Variants in NSMCE2 observed in about 807,000 individuals in gnomAD.
NSMCE2 encodes the protein E3 SUMO-protein ligase NSE2.
In NSMCE2, 24 loss-of-function variants were observed where a neutral mutation model predicts 23.8. The ratio of observed to expected loss-of-function variants is 1.01; its 90% confidence interval spans 0.73 to 1.42. The LOEUF (loss-of-function observed/expected upper bound fraction) is 1.42, where lower values mean the gene tolerates loss of function less well. NSMCE2 is among the 40% of genes most tolerant of loss of function. The probability of loss-of-function intolerance (pLI) is 0.00; values close to 1 mark genes in which losing one functional copy is unlikely to be tolerated. For synonymous variants in NSMCE2, 92 were observed against 94.1 expected, an observed-to-expected ratio of 0.98 and a Z score of 0.13; for missense variants, 284 against 296.5, an observed-to-expected ratio of 0.96 and a Z score of 0.31.
At chr8:125,110,472 T>C (rs1426932106) in intron 3 of NSMCE2, among the ~76,000 whole-genome samples, 1 of 152,222 alleles carries the variant, frequency 6.6e-6, no homozygotes, top group Non-Finnish European at 1.5e-5. Context: ...ACTGGTGCTC[T>C]TTTTACATGT....
chr8:125,324,648 C>T (rs1829587869), intron 5 of NSMCE2, among the ~76,000 whole-genome samples: 1 of 49,800 alleles, frequency 2.0e-5, no homozygotes, highest in African/African-American at 3.9e-5. Context: ...AATCTCGGCT[C>T]ACTGCAAGCT....
intron 5 of NSMCE2, among the ~76,000 whole-genome samples, chr8:125,211,371 A>ACT (rs1308891824): frequency 1.3e-5 from 2 of 152,170 alleles, no homozygotes; most frequent in East Asian, 3.9e-4. Flanking sequence ...CATATTGGAT[A>ACT]CTCTGTTCTA....
intron 1 of NSMCE2, among the ~76,000 whole-genome samples, chr8:125,097,848 G>C (rs1818008624): frequency 6.6e-6 from 1 of 152,222 alleles, no homozygotes; most frequent in African/African-American, 2.4e-5. Context: ...TTTGAAAAGC[G>C]TGTTTGCATT....
At chr8:125,123,944 G>C (rs1488996352) in intron 3 of NSMCE2, among the ~76,000 whole-genome samples, 1 of 151,934 alleles carries the variant, frequency 6.6e-6, no homozygotes, top group East Asian at 1.9e-4. Flanking sequence ...CAATTTTGTG[G>C]TTTTCAGAAT....
chr8:125,306,332 AAAC>A (rs1828761905), intron 5 of NSMCE2, among the ~76,000 whole-genome samples: 1 of 151,574 alleles, frequency 6.6e-6, no homozygotes, highest in Admixed American at 6.6e-5. Context: ...TCTCAAAACA[AAAC>A]AAAAACATAA....
At chr8:125,229,345 AC>A (rs532612981) in intron 5 of NSMCE2, among the ~76,000 whole-genome samples, 35 of 152,176 alleles carry the variant, frequency 2.3e-4, no homozygotes, top group Non-Finnish European at 4.7e-4. Flanking sequence ...TTTTTAAATC[AC>A]ACATCCTTAA....
chr8:125,106,681 T>A (rs1818472162), intron 3 of NSMCE2, among the ~76,000 whole-genome samples: 1 of 146,734 alleles, frequency 6.8e-6, no homozygotes, highest in African/African-American at 2.5e-5. Context: ...CAAGACTCCA[T>A]CTCAAAAAAA....
At chr8:125,234,413 A>G (rs1039589177) in intron 5 of NSMCE2, among the ~76,000 whole-genome samples, 2 of 152,222 alleles carry the variant, frequency 1.3e-5, no homozygotes, top group Admixed American at 1.3e-4. Flanking sequence ...GCTTTTTCAA[A>G]TATATTACCC....
intron 3 of NSMCE2, among the ~76,000 whole-genome samples, chr8:125,133,229 A>T (rs1244407005): frequency 6.6e-6 from 1 of 152,228 alleles, no homozygotes; most frequent in Non-Finnish European, 1.5e-5. Context: ...TATTCAGTGC[A>T]GTTGCAAAAA....
chr8:125,123,551 A>G (rs1200474506), intron 3 of NSMCE2, among the ~76,000 whole-genome samples: 1 of 152,264 alleles, frequency 6.6e-6, no homozygotes, highest in Non-Finnish European at 1.5e-5. Context: ...TGCTACTCAC[A>G]TCCAGAATAT....
intron 5 of NSMCE2, among the ~76,000 whole-genome samples, chr8:125,304,817 G>A (rs1388096173): frequency 6.7e-6 from 1 of 149,830 alleles, no homozygotes; most frequent in Non-Finnish European, 1.5e-5. Flanking sequence ...GAACCCTGGA[G>A]GCAGAGGTTA....
intron 5 of NSMCE2, among the ~76,000 whole-genome samples, chr8:125,254,696 T>G (rs1268675629): frequency 3.3e-5 from 5 of 152,172 alleles, no homozygotes; most frequent in African/African-American, 1.2e-4. Context: ...CTAATTTCCT[T>G]TGAGCCTTAA....
At chr8:125,235,320 C>T (rs1825498924) in intron 5 of NSMCE2, among the ~76,000 whole-genome samples, 1 of 151,270 alleles carries the variant, frequency 6.6e-6, no homozygotes, top group African/African-American at 2.4e-5. Context: ...TCTTGATTTC[C>T]ATTATCATAT....
chr8:125,113,414 A>G (rs559576009), intron 3 of NSMCE2, among the ~76,000 whole-genome samples: 7 of 152,282 alleles, frequency 4.6e-5, no homozygotes, highest in South Asian at 2.1e-4. Flanking sequence ...CAGGAGTTCA[A>G]GGCTACAGCA....
intron 5 of NSMCE2, among the ~76,000 whole-genome samples, chr8:125,320,555 G>A (rs1388567467): frequency 1.3e-5 from 2 of 152,094 alleles, no homozygotes; most frequent in Middle Eastern, 3.2e-3. Context: ...TCAAAAAAAT[G>A]TATAAAGTAA....
intron 5 of NSMCE2, among the ~76,000 whole-genome samples, chr8:125,345,680 G>T (rs1036494756): frequency 1.3e-5 from 2 of 152,228 alleles, no homozygotes; most frequent in Non-Finnish European, 2.9e-5. Context: ...ATTGAGTCTT[G>T]GAGGGTGGTC....
At chr8:125,169,809 C>G (rs1822085791) in intron 4 of NSMCE2, among the ~76,000 whole-genome samples, 1 of 151,976 alleles carries the variant, frequency 6.6e-6, no homozygotes, top group Non-Finnish European at 1.5e-5. Context: ...GCTCAAATTT[C>G]TTTACATGGT....
intron 5 of NSMCE2, among the ~76,000 whole-genome samples, chr8:125,240,441 AT>A (rs1023880151): frequency 6.6e-6 from 1 of 152,134 alleles, no homozygotes; most frequent in Non-Finnish European, 1.5e-5. Flanking sequence ...TCAGAATTAC[AT>A]TACTGTCTTC....
chr8:125,335,723 G>A (rs1471264436), intron 5 of NSMCE2, among the ~76,000 whole-genome samples: 2 of 152,180 alleles, frequency 1.3e-5, no homozygotes, highest in South Asian at 2.1e-4. Context: ...ACATGGTGAC[G>A]TGACCCAGTG....
Sources: gnomAD v4.1 joint callset for allele counts (sites outside exome capture counted in the v4.1 genomes callset) on GRCh38, gnomAD v4.1.1 for gene constraint, MANE v1.5 for transcripts, NCBI Gene and HGNC (gene_info 2026-07-23, HGNC 2026-07-21) for gene names.